The following SNX29 variants were observed in gnomAD, a reference collection of about 807,000 sequenced individuals.
The protein encoded by SNX29 is sorting nexin 29.
A neutral mutation model predicts 102.1 loss-of-function variants in SNX29; 78 were observed. That is an observed-to-expected ratio of 0.76 (90% CI 0.64 to 0.92). SNX29 has a LOEUF of 0.92. SNX29 is among the 40% of genes least tolerant of loss of function. SNX29 has a pLI of 0.00. For missense variants in SNX29, 1,280 were observed against 1,061.7 expected, an observed-to-expected ratio of 1.21 and a Z score of -2.86; for synonymous variants, 580 against 414.5, an observed-to-expected ratio of 1.40 and a Z score of -4.85.
At chr16:12,355,409 A>G (rs369963187) in intron 15 of SNX29, among the ~76,000 whole-genome samples, 1 of 152,128 alleles carries the variant, frequency 6.6e-6, no homozygotes, top group East Asian at 1.9e-4. Context: ...CATACAGTGT[A>G]GTTAGTGCTT....
chr16:12,474,048 T>C (rs2087479603), intron 18 of SNX29, among the ~76,000 whole-genome samples: 1 of 152,092 alleles, frequency 6.6e-6, no homozygotes, highest in Non-Finnish European at 1.5e-5. Context: ...TCCGAGAACC[T>C]TCTCTTGGGG....
At chr16:11,979,923 T>C (rs2055378483) in intron 1 of SNX29, among the ~76,000 whole-genome samples, 1 of 152,184 alleles carries the variant, frequency 6.6e-6, no homozygotes. Context: ...ATTACAGGCA[T>C]GAGCCACTGT....
chr16:12,049,829 C>G (rs911783024), intron 7 of SNX29, among the ~76,000 whole-genome samples: 14 of 152,192 alleles, frequency 9.2e-5, no homozygotes, highest in Admixed American at 8.5e-4. Flanking sequence ...GTTGCCCAGG[C>G]TGGTCTTGAA....
chr16:12,560,063 ATG>A (rs1381810044), intron 20 of SNX29, among the ~76,000 whole-genome samples: 10 of 152,058 alleles, frequency 6.6e-5, no homozygotes, highest in East Asian at 1.9e-4. Context: ...CTAGAAAACT[ATG>A]TAACTACTGT....
In SNX29 at chr16:12,370,555, G is replaced by C. The variant is rs142676934; in HGVS notation, c.1899+14276G>C. Among the ~76,000 whole-genome samples the C allele has an allele frequency of 9.6e-3, 1,457 of 152,248 alleles. 75 individuals carry two copies. The highest frequency in any genetic ancestry group is 0.084 in the Admixed American group (1,289 of 15,272). On this transcript the variant is annotated intron_variant, in intron 16 of 20. Transcript: ENST00000566228. ...AGCCTGGGTGACAGAGCGAAACTCC[G>C]TCTCAAAACAAATAAATGAAGGTAC...
intron 13 of SNX29, among the ~76,000 whole-genome samples, chr16:12,189,218 A>C (rs907579605): frequency 6.6e-6 from 1 of 152,244 alleles, no homozygotes; most frequent in Non-Finnish European, 1.5e-5. Flanking sequence ...GAAAATTAAC[A>C]TTGACACATT....
Position 12,525,160 on chromosome 16 carries a change from T to C in SNX29, c.2318+319T>C, listed in dbSNP as rs571492349. On this transcript the variant is annotated intron_variant, in intron 20 of 20. Coordinates refer to ENST00000566228, the MANE Select transcript of SNX29 (RefSeq NM_032167.5). The stretch of plus-strand genomic sequence containing the variant: ...ATTAATTTTCTGTACAGCCCACGGG[T>C]GCTCCAAAACTGAAACAAATTGTGT... Among the ~76,000 whole-genome samples, 14 of 152,210 alleles carry C rather than the reference T, an allele frequency of 9.2e-5. No homozygotes were observed. In the South Asian group the frequency reaches 2.3e-3, roughly 25 times the overall value.
intron 11 of SNX29, among the ~76,000 whole-genome samples, chr16:12,115,966 C>T (rs1435742007): frequency 6.6e-6 from 1 of 152,208 alleles, no homozygotes; most frequent in Non-Finnish European, 1.5e-5. Flanking sequence ...GCTTTTTCAA[C>T]TGGATCAGTA....
intron 19 of SNX29, among the ~76,000 whole-genome samples, chr16:12,523,063 C>T (rs1391867813): frequency 6.6e-6 from 1 of 152,188 alleles, no homozygotes; most frequent in African/African-American, 2.4e-5. Context: ...GCTCCTGCCT[C>T]AGCTTCCTAA....
In SNX29 at chr16:12,571,962, CTA is replaced by C; in HGVS notation, c.*3335_*3336del. 9.4e-7 allele frequency: 1 copy of C among 1,061,848 alleles called. No homozygotes were observed. The highest frequency in any genetic ancestry group is 1.1e-6 in the Non-Finnish European group (1 of 877,070). The allele number at this position is 1,061,848 out of a possible 1,614,324, so 65.8% of individuals were successfully genotyped here. On this transcript the variant is annotated 3_prime_UTR_variant, in exon 21 of 21. Transcript: ENST00000566228. ...CTTTCAGGGAAGAGGCTCTTACAGT[CTA>C]TGGTGGTAGCCATCTTCACATCCAG... is the stretch of plus-strand genomic sequence containing the variant.
chr16:12,417,540 G>C (rs1484869398), intron 18 of SNX29, among the ~76,000 whole-genome samples: 1 of 151,936 alleles, frequency 6.6e-6, no homozygotes, highest in Non-Finnish European at 1.5e-5. Flanking sequence ...CCCTCCCCTG[G>C]TCTTTTCCTT....
chr16:12,247,380 T>C (rs536770430), intron 14 of SNX29, among the ~76,000 whole-genome samples: 1 of 152,372 alleles, frequency 6.6e-6, no homozygotes, highest in Non-Finnish European at 1.5e-5. Flanking sequence ...CTTCCTTTAC[T>C]TAATTTTCTT....
intron 3 of SNX29, among the ~76,000 whole-genome samples, chr16:12,005,196 A>G (rs2056413623): frequency 6.6e-6 from 1 of 152,218 alleles, no homozygotes; most frequent in South Asian, 2.1e-4. Flanking sequence ...TTGTGGCATT[A>G]GATCATTCGA....
chr16:12,010,640 A>G (rs2056617604), intron 3 of SNX29, among the ~76,000 whole-genome samples: 1 of 152,150 alleles, frequency 6.6e-6, no homozygotes, highest in African/African-American at 2.4e-5. Context: ...ACAAACAAAC[A>G]AACAAGAAAT....
chr16:12,471,720 G>A (rs927229093), intron 18 of SNX29, among the ~76,000 whole-genome samples: 10 of 152,216 alleles, frequency 6.6e-5, no homozygotes, highest in African/African-American at 2.2e-4. Flanking sequence ...TTAAATTCAG[G>A]ATTAACATAA....
At chr16:12,156,843 C>T (rs1242691035) in intron 13 of SNX29, among the ~76,000 whole-genome samples, 1 of 152,146 alleles carries the variant, frequency 6.6e-6, no homozygotes, top group African/African-American at 2.4e-5. Flanking sequence ...TTTCCTCGTG[C>T]CCCCCTCCCC....
intron 18 of SNX29, among the ~76,000 whole-genome samples, chr16:12,450,778 C>T (rs2086267884): frequency 1.3e-5 from 2 of 152,062 alleles, no homozygotes. Context: ...AGCTTTAGGC[C>T]AATCATTGTG....
At chr16:12,006,054 ATAGGCCAGGCG>A (rs2056440923) in intron 3 of SNX29, among the ~76,000 whole-genome samples, 1 of 152,114 alleles carries the variant, frequency 6.6e-6, no homozygotes, top group Non-Finnish European at 1.5e-5. Context: ...ATTACTAATA[ATAGGCCAGGCG>A]CTGTGGCTCA....
At chr16:12,568,416 TCCTGCCCTCACA>T in intron 20 of SNX29, 78 bp from the exon 21 acceptor site, 2 of 1,550,354 alleles carry the variant, frequency 1.3e-6, no homozygotes, top group Non-Finnish European at 1.7e-6. Flanking sequence ...ATCAGATCCC[TCCTGCCCTCACA>T]CCTGGCTCCC....
Sources: gnomAD v4.1 joint callset for allele counts (sites outside exome capture counted in the v4.1 genomes callset) on GRCh38, gnomAD v4.1.1 for gene constraint, MANE v1.5 for transcripts, NCBI Gene and HGNC (gene_info 2026-07-23, HGNC 2026-07-21) for gene names.